The following C5orf46 variants were observed in gnomAD, a reference collection of about 807,000 sequenced individuals.
The protein encoded by C5orf46 is chromosome 5 open reading frame 46, also known as uncharacterized protein C5orf46.
In C5orf46, 9 loss-of-function variants were observed where a neutral mutation model predicts 8.9. The observed-to-expected ratio is 1.01, with a 90% CI of 0.61 to 1.76. C5orf46 has a LOEUF of 1.76. C5orf46 is among the 40% of genes most tolerant of loss of function. The pLI, the probability that C5orf46 is intolerant of heterozygous loss-of-function variation, is 0.00. For synonymous variants in C5orf46, 47 were observed against 41.4 expected (o/e 1.14, Z -0.52); for missense variants, 98 against 107.8 (o/e 0.91, Z 0.40).
intron 2 of C5orf46, 71 bp from the exon 3 acceptor site, chr5:147,897,112 G>A (rs757775216): frequency 1.2e-4 from 78 of 667,906 alleles, no homozygotes; most frequent in African/African-American, 2.2e-4. Flanking sequence ...TCACTAAGGC[G>A]CTGTATAATG....
Position 147,901,739 on chromosome 5 carries a change from G to A in C5orf46, c.105C>T (p.Asp35=), listed in dbSNP as rs368375161. The A allele has an allele frequency of 5.8e-5, 94 of 1,613,852 alleles. No individual in the cohort carries two copies. In the African/African-American group the frequency reaches 7.1e-4, roughly 12 times the overall value. The part of the protein sequence containing the change: ...DKPDKPDDKP[D]DSGKDPKPDF... ...CTGGCTTTGGGTCTTTGCCCGAGTC[G>A]TCTGGCTTGTCGTCTGGCTTGTCTG... The change falls in exon 2 of 4, where the codon GAC becomes GAT. Residue 35 remains aspartate (D), a synonymous_variant. Coordinates refer to ENST00000318315, the MANE Select transcript of C5orf46 (RefSeq NM_206966.3).
At chr5:147,887,185 T>C (rs1757432594) in intron 2 of C5orf46, 1 of 152,142 alleles carries the variant, frequency 6.6e-6, no homozygotes, top group Admixed American at 6.6e-5. Flanking sequence ...AGCAACCAGA[T>C]GAAGAGCTCG....
chr5:147,903,923 T>C (rs541151646), intron 1 of C5orf46, among the ~76,000 whole-genome samples: 1 of 152,212 alleles, frequency 6.6e-6, no homozygotes, highest in East Asian at 1.9e-4. Flanking sequence ...AATTCTTGTA[T>C]TTTGTGTAGA....
At chr5:147,904,564 A>G (rs1757720725) in intron 1 of C5orf46, among the ~76,000 whole-genome samples, 1 of 152,164 alleles carries the variant, frequency 6.6e-6, no homozygotes, top group African/African-American at 2.4e-5. Flanking sequence ...TTTTAATATG[A>G]CACTAAAACC....
intron 1 of C5orf46, among the ~76,000 whole-genome samples, chr5:147,905,289 T>C (rs1296131154): frequency 2.0e-5 from 3 of 152,214 alleles, no homozygotes; most frequent in African/African-American, 7.2e-5. Context: ...AGCATATTCA[T>C]TTGACCTGGT....
chr5:147,893,506 G>A (rs768455171), intron 3 of C5orf46, among the ~76,000 whole-genome samples: 1 of 151,536 alleles, frequency 6.6e-6, no homozygotes, highest in Non-Finnish European at 1.5e-5. Context: ...GAATGGTCTC[G>A]ATCTCCTGAT....
downstream of C5orf46, among the ~76,000 whole-genome samples, chr5:147,892,368 TA>T (rs1032276507): frequency 8.5e-4 from 129 of 152,342 alleles, no homozygotes; most frequent in African/African-American, 2.9e-3. Flanking sequence ...TTATTAATTT[TA>T]AAAAGGTCAG....
downstream of C5orf46, among the ~76,000 whole-genome samples, chr5:147,888,442 T>G (rs1260420295): frequency 6.6e-6 from 1 of 152,196 alleles, no homozygotes; most frequent in Non-Finnish European, 1.5e-5. Flanking sequence ...AAGACTTACT[T>G]TCTTCCTTCT....
At chr5:147,895,675 T>C (rs1287170146) in intron 3 of C5orf46, among the ~76,000 whole-genome samples, 1 of 152,054 alleles carries the variant, frequency 6.6e-6, no homozygotes, top group Non-Finnish European at 1.5e-5. Flanking sequence ...GTACCAAAAA[T>C]TATAGGTGTG....
At chr5:147,886,815 A>G (rs1308024816) in intron 2 of C5orf46, 1 of 152,076 alleles carries the variant, frequency 6.6e-6, no homozygotes, top group Non-Finnish European at 1.5e-5. Context: ...CATATTTTGC[A>G]TACATTTTTG....
chr5:147,889,642 CATAAA>C (rs749334365), downstream of C5orf46, among the ~76,000 whole-genome samples: 56 of 152,194 alleles, frequency 3.7e-4, no homozygotes, highest in African/African-American at 1.1e-3. Context: ...TATCCCAGAA[CATAAA>C]ATAAAATTAA....
downstream of C5orf46, among the ~76,000 whole-genome samples, chr5:147,891,249 A>G (rs995562918): frequency 6.6e-6 from 1 of 152,206 alleles, no homozygotes; most frequent in Non-Finnish European, 1.5e-5. Flanking sequence ...GATTACAAGG[A>G]GATGATACTG....
chr5:147,902,127 A>T (rs1339152625), intron 1 of C5orf46, among the ~76,000 whole-genome samples: 1 of 152,132 alleles, frequency 6.6e-6, no homozygotes, highest in Non-Finnish European at 1.5e-5. Flanking sequence ...TTTCCATATG[A>T]TCTCCATGCC....
intron 1 of C5orf46, among the ~76,000 whole-genome samples, chr5:147,905,163 G>A (rs939781230): frequency 6.6e-6 from 1 of 151,986 alleles, no homozygotes; most frequent in Non-Finnish European, 1.5e-5. Flanking sequence ...ATATGGGATA[G>A]CCTTTATTTA....
chr5:147,891,210 A>C (rs58925204), downstream of C5orf46, among the ~76,000 whole-genome samples: 16,030 of 152,184 alleles, frequency 0.11, 1,056 homozygotes, highest in African/African-American at 0.19. Context: ...ATACCTCCCT[A>C]ATTCACTTCA....
chr5:147,897,979 G>C (rs1757609555), intron 2 of C5orf46, among the ~76,000 whole-genome samples: 1 of 152,184 alleles, frequency 6.6e-6, no homozygotes, highest in Admixed American at 6.6e-5. Flanking sequence ...TGGCATCAGA[G>C]AAGGACATTT....
chr5:147,886,405 A>C (rs905672465), intron 2 of C5orf46: 1 of 151,972 alleles, frequency 6.6e-6, no homozygotes, highest in Admixed American at 6.6e-5. Flanking sequence ...TATCTTAAAA[A>C]GTTTAAAAAT....
chr5:147,901,409 A>G (rs1580986828), intron 2 of C5orf46: 2 of 392,156 alleles, frequency 5.1e-6, no homozygotes, highest in East Asian at 8.2e-5. Context: ...AAAATCCTGT[A>G]TGGAACCACT....
At chr5:147,905,567 C>T (rs1757738290) in intron 1 of C5orf46, among the ~76,000 whole-genome samples, 1 of 152,196 alleles carries the variant, frequency 6.6e-6, no homozygotes, top group Admixed American at 6.5e-5. Flanking sequence ...AATGTTTGCA[C>T]TCCCTCTGTT....
Sources: gnomAD v4.1 joint callset for allele counts (sites outside exome capture counted in the v4.1 genomes callset) on GRCh38, gnomAD v4.1.1 for gene constraint, MANE v1.5 for transcripts, NCBI Gene and HGNC (gene_info 2026-07-23, HGNC 2026-07-21) for gene names.